Variants in TMED7 observed in about 807,000 individuals in gnomAD.
TMED7 encodes the protein transmembrane p24 trafficking protein 7, also known as transmembrane emp24 domain-containing protein 7.
Under a neutral mutation model 23.4 loss-of-function variants are expected in TMED7, and 8 were observed. The observed-to-expected ratio is 0.34, with a 90% CI of 0.20 to 0.62. The LOEUF (loss-of-function observed/expected upper bound fraction) is 0.62. Ranked by LOEUF, TMED7 falls within the 20% of genes least tolerant of loss-of-function variation. The probability of loss-of-function intolerance (pLI) is 0.77; values close to 1 mark genes in which losing one functional copy is unlikely to be tolerated. For missense variants in TMED7, 232 were observed against 279.1 expected (o/e 0.83, Z 1.20); for synonymous variants, 121 against 108.5 (o/e 1.12, Z -0.72).
chr5:115,622,163 T>C (rs184362482), intron 1 of TMED7, among the ~76,000 whole-genome samples: 120 of 152,304 alleles, frequency 7.9e-4, no homozygotes, highest in Middle Eastern at 3.4e-3. Context: ...TATTTGACCA[T>C]TGTATTCTGA....
In TMED7 at chr5:115,626,013, C is replaced by A; in HGVS notation, c.-221G>T. 1 of 514,198 alleles carries A rather than the reference C, an allele frequency of 1.9e-6. No individual in the cohort carries two copies. Among genetic ancestry groups the A allele is most frequent in the Non-Finnish European group, 3.0e-6 (1 of 332,480 alleles). The allele number at this position is 514,198 out of a possible 1,614,324, so 31.9% of individuals were successfully genotyped here. ...GAGGTAAAAGAGAAGCGGAAAAGGC[C>A]TGAGAGGGTCGGAAGTGGGGATTAG... On this transcript the variant is annotated 5_prime_UTR_variant, in exon 1 of 3. In the 5' UTR this introduces an upstream ATG that the reference lacks. Coordinates refer to ENST00000456936, the MANE Select transcript of TMED7 (RefSeq NM_181836.6).
chr5:115,618,641 G>A (rs977856476), intron 2 of TMED7, among the ~76,000 whole-genome samples: 4 of 152,064 alleles, frequency 2.6e-5, no homozygotes, highest in Admixed American at 6.5e-5. Flanking sequence ...TGGAATTCAG[G>A]TGCAATGTTC....
In TMED7 at chr5:115,616,140, C is replaced by T; in HGVS notation, c.*69G>A. On this transcript the variant is annotated 3_prime_UTR_variant, in exon 3 of 3. Transcript: ENST00000456936. ...AAAATGTTGCCAATATTAAGTTCTT[C>T]AGTACCTAAAATTAATTAGAGGACA... The T allele has an allele frequency of 6.9e-7, 1 of 1,447,956 alleles. No individual in the cohort carries two copies. 89.7% of individuals were successfully genotyped at this position (1,447,956 alleles called of 1,614,324 possible). A position where few individuals can be genotyped will look rare whatever the true frequency, so the allele number is the denominator to read the frequency against.
At chr5:115,624,261 A>T (rs1039103485) in intron 1 of TMED7, among the ~76,000 whole-genome samples, 1 of 152,194 alleles carries the variant, frequency 6.6e-6, no homozygotes, top group Non-Finnish European at 1.5e-5. Context: ...GAAGGTAAGT[A>T]AGCCTAAGGG....
In TMED7 at chr5:115,613,628, T is replaced by C. The variant is rs972532688; in HGVS notation, c.*2581A>G. 2 of 152,316 alleles carry C rather than the reference T, an allele frequency of 1.3e-5. No individual in the cohort carries two copies. Among genetic ancestry groups the C allele is most frequent in the Admixed American group, 6.5e-5 (1 of 15,272 alleles). 9.4% of individuals were successfully genotyped at this position (152,316 alleles called of 1,614,324 possible). ...TTATATATTAATTTTTTGAAAACAA[T>C]AGTCATAGGGCCTGCTTTGTCCTAT... On this transcript the variant is annotated 3_prime_UTR_variant, in exon 3 of 3. Coordinates refer to ENST00000456936, the MANE Select transcript of TMED7 (RefSeq NM_181836.6).
rs564161239 is a variant in TMED7, at chr5:115,625,589, G to A, written c.192+12C>T. The stretch of plus-strand genomic sequence containing the variant: ...GCGAGTTGGGGCCCAGGGACTGCTA[G>A]GCCCCTGATACCTGGAACTCCAGGG... On this transcript the variant is annotated intron_variant, in intron 1 of 2. Transcript: ENST00000456936. 1.9e-6 allele frequency: 3 copies of A among 1,561,176 alleles called. No homozygotes were observed. The highest frequency in any genetic ancestry group is 2.5e-5 in the East Asian group (1 of 39,748).
At chr5:115,624,098 A>G (rs1388351850) in intron 1 of TMED7, among the ~76,000 whole-genome samples, 1 of 152,250 alleles carries the variant, frequency 6.6e-6, no homozygotes, top group Non-Finnish European at 1.5e-5. Context: ...CTAATTTGTT[A>G]GCCATTGTAG....
chr5:115,625,579 G>C, intron 1 of TMED7, 22 bp downstream of exon 1: 1 of 1,530,844 alleles, frequency 6.5e-7, no homozygotes, highest in Non-Finnish European at 8.8e-7. Flanking sequence ...TTGGGGCCCA[G>C]GGACTGCTAG....
At position 115,616,389 on chromosome 5, in the gene TMED7, C is replaced by T. The variant is rs1368786159; in HGVS notation, c.495G>A (p.Gln165=). 1.9e-6 allele frequency: 3 copies of T among 1,614,192 alleles called. No individual in the cohort carries two copies. Among genetic ancestry groups the T allele is most frequent in the Non-Finnish European group, 2.5e-6 (3 of 1,180,010 alleles). ...HEALKSVIDY[Q]THFRLREAQG... ...GAGCTTCTCTTAAACGGAAATGAGT[C>T]TGATAATCGATGACAGACTTCAGAG... is the stretch of plus-strand genomic sequence containing the variant. The change falls in exon 3 of 3, where the codon CAG becomes CAA. Residue 165 remains glutamine, a synonymous_variant. Coordinates refer to ENST00000456936, the MANE Select transcript of TMED7 (RefSeq NM_181836.6).
At chr5:115,624,593 C>T (rs1422183605) in intron 1 of TMED7, among the ~76,000 whole-genome samples, 1 of 152,146 alleles carries the variant, frequency 6.6e-6, no homozygotes, top group Admixed American at 6.5e-5. Context: ...AAAACAAATC[C>T]TTAACATGGT....
rs891858230 is a variant in TMED7 at position 115,625,527 on chromosome 5, G to C, written c.192+74C>G. On this transcript the variant is annotated intron_variant, in intron 1 of 2. Coordinates refer to ENST00000456936, the MANE Select transcript of TMED7 (RefSeq NM_181836.6). Reference sequence around the variant, plus strand: ...AGAACGGGGAAACACGGACAGGAAAGTGCCATCCCTCAAGTTACACCCCCA... The same window carrying C: ...AGAACGGGGAAACACGGACAGGAAACTGCCATCCCTCAAGTTACACCCCCA... 34 of 1,385,404 alleles carry C rather than the reference G, an allele frequency of 2.5e-5. No individual in the cohort carries two copies. In the East Asian group the frequency reaches 4.4e-4, roughly 18 times the overall value. 85.8% of individuals were successfully genotyped at this position (1,385,404 alleles called of 1,614,324 possible). A position where few individuals can be genotyped will look rare whatever the true frequency, so the allele number is the denominator to read the frequency against.
chr5:115,620,388 C>T (rs1435612882), intron 2 of TMED7, 47 bp downstream of exon 2: 2 of 1,439,016 alleles, frequency 1.4e-6, no homozygotes, highest in Non-Finnish European at 1.8e-6. Context: ...ATGCTTTTTT[C>T]CTCCTTTTAA....
chr5:115,620,188 G>C, intron 2 of TMED7: 1 of 374,736 alleles, frequency 2.7e-6, no homozygotes, highest in Non-Finnish European at 4.2e-6. Context: ...TTCTACCTTA[G>C]TGATCTTCCT....
chr5:115,616,709 G>A lies in TMED7; in HGVS notation c.439-264C>T, dbSNP rs1580451036. On this transcript the variant is annotated intron_variant, in intron 2 of 2. Coordinates refer to ENST00000456936, the MANE Select transcript of TMED7 (RefSeq NM_181836.6). The stretch of plus-strand genomic sequence containing the variant: ...TCACAGCCATGGCATCAGTAAGGGG[G>A]CAGATGGAACACTAAGCTAACAATA... The A allele has an allele frequency of 7.7e-6, 4 of 518,116 alleles. No homozygotes were observed. The East Asian group carries it at 1.4e-4, about 18-fold the overall frequency. The allele number at this position is 518,116 out of a possible 1,614,324, so 32.1% of individuals were successfully genotyped here.
At chr5:115,622,066 G>C (rs918677798) in intron 1 of TMED7, among the ~76,000 whole-genome samples, 9 of 151,894 alleles carry the variant, frequency 5.9e-5, no homozygotes, top group African/African-American at 1.5e-4. Flanking sequence ...TATCAATTGG[G>C]GATTTACCAA....
At position 115,625,884 on chromosome 5, in the gene TMED7, C is replaced by A. The variant is rs1442294708; in HGVS notation, c.-92G>T. 14 of 1,316,742 alleles carry A rather than the reference C, an allele frequency of 1.1e-5. No homozygotes were observed. The highest frequency in any genetic ancestry group is 4.7e-5 in the African/African-American group (3 of 64,364). 81.6% of individuals were successfully genotyped at this position (1,316,742 alleles called of 1,614,324 possible). ...GCGCGCGGCAGGCCTCAGCGCAGGC[C>A]ACCCCGCAAAGATACACAGCAGAGC... On this transcript the variant is annotated 5_prime_UTR_variant, in exon 1 of 3. Transcript: ENST00000456936.
At chr5:115,616,607 C>A (rs935671913) in intron 2 of TMED7, 162 bp from the exon 3 acceptor site, 151 of 1,037,226 alleles carry the variant, frequency 1.5e-4, no homozygotes, top group Non-Finnish European at 2.0e-4. Flanking sequence ...TGCAATGAAA[C>A]CCCCCTGCTC....
chr5:115,625,366 A>T lies in TMED7; in HGVS notation c.192+235T>A, dbSNP rs73782726. On this transcript the variant is annotated intron_variant, in intron 1 of 2. Transcript: ENST00000456936. ...TCAATAGGCCTTAAAAATGAGATGGAAAGAAATGCTAAAGGGAGCATTTCT... is the reference window on the plus strand; with the variant it reads ...TCAATAGGCCTTAAAAATGAGATGGTAAGAAATGCTAAAGGGAGCATTTCT... 4.1e-3 allele frequency among the ~76,000 whole-genome samples: 630 copies of T among 152,318 alleles called. 3 individuals are homozygous for T. The highest frequency in any genetic ancestry group is 0.014 in the African/African-American group (595 of 41,570).
At position 115,614,264 on chromosome 5, in the gene TMED7, T is replaced by C. The variant is rs1756598445; in HGVS notation, c.*1945A>G. ...GATTTCAAAAATTTTAATATCTCAA[T>C]AGTTTCACCAAAAATTATTTGTGGT... On this transcript the variant is annotated 3_prime_UTR_variant, in exon 3 of 3. Transcript: ENST00000456936. 1 of 152,186 alleles carries C rather than the reference T, an allele frequency of 6.6e-6. No individual in the cohort carries two copies. The highest frequency in any genetic ancestry group is 1.5e-5 in the Non-Finnish European group (1 of 67,970). The allele number at this position is 152,186 out of a possible 1,614,324, so 9.4% of individuals were successfully genotyped here. A position where few individuals can be genotyped will look rare whatever the true frequency, so the allele number is the denominator to read the frequency against.
Sources: gnomAD v4.1 joint callset for allele counts (sites outside exome capture counted in the v4.1 genomes callset) on GRCh38, gnomAD v4.1.1 for gene constraint, MANE v1.5 for transcripts, NCBI Gene and HGNC (gene_info 2026-07-23, HGNC 2026-07-21) for gene names.